GPC5: variants seen among roughly 807,000 people sequenced by gnomAD.
GPC5 encodes glypican-5.
In GPC5, 47 loss-of-function variants were observed where a neutral mutation model predicts 53.9. The observed-to-expected ratio is 0.87, with a 90% confidence interval of 0.69 to 1.11. The LOEUF is 1.11. Among genes scored for constraint, GPC5 ranks in the 50% most tolerant of loss-of-function variants. GPC5 has a pLI of 0.00. For synonymous variants in GPC5, 286 were observed against 263.3 expected, an observed-to-expected ratio of 1.09 and a Z score of -0.84; for missense variants, 748 against 713.1, an observed-to-expected ratio of 1.05 and a Z score of -0.56.
chr13:92,663,310 A>G (rs1886412407), intron 7 of GPC5, among the ~76,000 whole-genome samples: 1 of 152,068 alleles, frequency 6.6e-6, no homozygotes, highest in African/African-American at 2.4e-5. Flanking sequence ...AATGCAATTT[A>G]TTATTATCAG....
intron 5 of GPC5, among the ~76,000 whole-genome samples, chr13:91,885,666 T>C (rs959180704): frequency 1.3e-5 from 2 of 152,324 alleles, no homozygotes; most frequent in East Asian, 3.9e-4. Flanking sequence ...CTTTTCAGTG[T>C]GTCAGTTTCC....
chr13:92,148,131 T>C (rs771029737), intron 7 of GPC5, among the ~76,000 whole-genome samples: 2 of 152,104 alleles, frequency 1.3e-5, no homozygotes, highest in Non-Finnish European at 2.9e-5. Flanking sequence ...TGACTAAATT[T>C]AAAGTTATAT....
At chr13:91,471,105 A>T (rs915924977) in intron 2 of GPC5, among the ~76,000 whole-genome samples, 1 of 152,192 alleles carries the variant, frequency 6.6e-6, no homozygotes, top group African/African-American at 2.4e-5. Flanking sequence ...GGTGCCGGTT[A>T]TGGAGTGTTG....
chr13:92,598,166 A>G (rs1883936991), intron 7 of GPC5, among the ~76,000 whole-genome samples: 1 of 152,194 alleles, frequency 6.6e-6, no homozygotes, highest in South Asian at 2.1e-4. Flanking sequence ...ATGAAAATAA[A>G]ATGTTTCAAA....
Position 92,239,623 on chromosome 13 carries a change from C to T in GPC5, c.1561+94634C>T, listed in dbSNP as rs9589457. 6.8e-3 allele frequency among the ~76,000 whole-genome samples: 1,040 copies of T among 151,920 alleles called. 13 individuals carry two copies. Among genetic ancestry groups the T allele is most frequent in the African/African-American group, 0.024 (979 of 41,504 alleles). ...AATTTTAAATCATTGTTTAAAAAGA[C>T]GTATCCAATCAAGTGAAAACAACAA... On this transcript the variant is annotated intron_variant, in intron 7 of 7. Coordinates refer to ENST00000377067, the MANE Select transcript of GPC5 (RefSeq NM_004466.6).
At chr13:92,631,996 T>TA (rs1214543360) in intron 7 of GPC5, among the ~76,000 whole-genome samples, 1 of 152,192 alleles carries the variant, frequency 6.6e-6, no homozygotes, top group African/African-American at 2.4e-5. Flanking sequence ...TCCCAAGCAT[T>TA]TTGATTAAGA....
chr13:92,031,752 T>TATATTACATATTATATATTATATATAA lies in GPC5; in HGVS notation c.1402-113078_1402-113077insATATTACATATTATATATTATATATAA, dbSNP rs1566403212. Among the ~76,000 whole-genome samples the TATATTACATATTATATATTATATATAA allele has an allele frequency of 2.5e-4, 11 of 43,758 alleles. 1 individual carries two copies. The highest frequency in any genetic ancestry group is 3.8e-4 in the Admixed American group (1 of 2,598). The allele number at this position is 43,758 out of a possible 152,430, so 28.7% of individuals were successfully genotyped here. A position where few individuals can be genotyped will look rare whatever the true frequency, so the allele number is the denominator to read the frequency against. On this transcript the variant is annotated intron_variant, in intron 6 of 7. Coordinates refer to ENST00000377067, the MANE Select transcript of GPC5 (RefSeq NM_004466.6). ...TATTACATATTATATATAATATATA[T>TATATTACATATTATATATTATATATAA]TATATTACATATTATATATAATATA... is the stretch of plus-strand genomic sequence containing the variant.
chr13:91,727,452 A>C (rs904460034), intron 3 of GPC5, among the ~76,000 whole-genome samples: 2 of 152,160 alleles, frequency 1.3e-5, no homozygotes, highest in African/African-American at 4.8e-5. Flanking sequence ...TCCCTCTTAA[A>C]TTACAAGCTC....
At chr13:92,852,013 GA>G (rs554362139) in intron 7 of GPC5, among the ~76,000 whole-genome samples, 5 of 151,744 alleles carry the variant, frequency 3.3e-5, no homozygotes, top group African/African-American at 9.7e-5. Context: ...GCATGAAACA[GA>G]AAAAAAATTT....
At chr13:92,235,534 A>G (rs1408585107) in intron 7 of GPC5, among the ~76,000 whole-genome samples, 1 of 152,020 alleles carries the variant, frequency 6.6e-6, no homozygotes, top group Non-Finnish European at 1.5e-5. Flanking sequence ...GCTAAGTTGG[A>G]TTTCGTAAAT....
intron 7 of GPC5, among the ~76,000 whole-genome samples, chr13:92,505,408 A>G (rs536525701): frequency 6.6e-6 from 1 of 152,174 alleles, no homozygotes; most frequent in South Asian, 2.1e-4. Context: ...AAATCATGAG[A>G]TATCGCTACA....
intron 2 of GPC5, among the ~76,000 whole-genome samples, chr13:91,666,010 CTTCT>C: frequency 6.6e-6 from 1 of 152,306 alleles, no homozygotes; most frequent in Non-Finnish European, 1.5e-5. Flanking sequence ...ATGTAAGTGA[CTTCT>C]TTAACACGAT....
chr13:92,260,416 G>A (rs1294026985), intron 7 of GPC5, among the ~76,000 whole-genome samples: 1 of 152,132 alleles, frequency 6.6e-6, no homozygotes, highest in Non-Finnish European at 1.5e-5. Context: ...TGAATACCCC[G>A]TTGGAATATG....
At chr13:91,917,563 C>T (rs1444146343) in intron 6 of GPC5, among the ~76,000 whole-genome samples, 1 of 152,172 alleles carries the variant, frequency 6.6e-6, no homozygotes, top group African/African-American at 2.4e-5. Context: ...GGGGTTCAAC[C>T]CCACATTTCC....
chr13:92,169,741 G>A (rs538645829), intron 7 of GPC5, among the ~76,000 whole-genome samples: 220 of 150,614 alleles, frequency 1.5e-3, no homozygotes, highest in African/African-American at 5.1e-3. Flanking sequence ...TCTAGTAACA[G>A]CTGTAAAGTA....
At chr13:92,685,075 G>C (rs992487592) in intron 7 of GPC5, among the ~76,000 whole-genome samples, 1 of 129,342 alleles carries the variant, frequency 7.7e-6, no homozygotes, top group Admixed American at 8.2e-5. Flanking sequence ...TTGCCAGTGA[G>C]ATCCAGTAGT....
chr13:92,073,722 T>A (rs1329873041), intron 6 of GPC5, among the ~76,000 whole-genome samples: 19 of 152,182 alleles, frequency 1.2e-4, no homozygotes. Flanking sequence ...TCAAATAATA[T>A]GGAGTTACCC....
At chr13:91,490,356 A>T (rs1292220935) in intron 2 of GPC5, among the ~76,000 whole-genome samples, 1 of 152,186 alleles carries the variant, frequency 6.6e-6, no homozygotes, top group Admixed American at 6.5e-5. Context: ...AGAAATAAGA[A>T]ATTTCAGAAT....
At chr13:92,742,312 G>C (rs987300506) in intron 7 of GPC5, among the ~76,000 whole-genome samples, 5 of 151,944 alleles carry the variant, frequency 3.3e-5, no homozygotes, top group African/African-American at 1.2e-4. Context: ...TTGTGGTTTT[G>C]ATTTGTGTTT....
Sources: allele counts gnomAD v4.1 joint callset (sites outside exome capture counted in the v4.1 genomes callset), GRCh38; gene constraint gnomAD v4.1.1; transcripts MANE v1.5; gene names NCBI Gene and HGNC (gene_info 2026-07-23, HGNC 2026-07-21).